MCC: variants seen among roughly 807,000 people sequenced by gnomAD.
MCC encodes MCC regulator of Wnt signaling pathway, also known as colorectal mutant cancer protein.
In MCC, 90 loss-of-function variants were observed where a neutral mutation model predicts 116.2. The observed-to-expected ratio is 0.77, with a 90% confidence interval of 0.65 to 0.92. The LOEUF is 0.92. Ranked by LOEUF, MCC falls within the 40% of genes least tolerant of loss-of-function variation. MCC has a pLI of 0.00. For synonymous variants in MCC, 578 were observed against 510.5 expected (o/e 1.13, Z -1.78); for missense variants, 1,516 against 1,312.2 (o/e 1.16, Z -2.40).
intron 1 of MCC, among the ~76,000 whole-genome samples, chr5:113,426,917 G>C (rs1770500427): frequency 6.6e-6 from 1 of 152,046 alleles, no homozygotes; most frequent in East Asian, 1.9e-4. Flanking sequence ...CTCCTGTTTG[G>C]AGTAACTACC....
intron 1 of MCC, chr5:113,433,835 C>A: frequency 6.2e-7 from 1 of 1,614,018 alleles, no homozygotes; most frequent in East Asian, 2.2e-5. Flanking sequence ...ACTGCCTGGA[C>A]ATTTGCATTG....
intron 3 of MCC, among the ~76,000 whole-genome samples, chr5:113,246,037 G>A (rs901439905): frequency 6.6e-6 from 1 of 152,134 alleles, no homozygotes; most frequent in Non-Finnish European, 1.5e-5. Flanking sequence ...TTTCCCGAGG[G>A]GAAGATGGGG....
chr5:113,031,225 C>G (rs1026537181), intron 17 of MCC, among the ~76,000 whole-genome samples: 4 of 152,138 alleles, frequency 2.6e-5, no homozygotes, highest in Admixed American at 2.6e-4. Flanking sequence ...CAGCCCAGAA[C>G]TCATTTTTCA....
At position 113,064,126 on chromosome 5, in the gene MCC, G is replaced by A. The variant is rs753000893; in HGVS notation, c.2071C>T (p.Arg691Ter). 5.0e-6 allele frequency: 8 copies of A among 1,613,684 alleles called. No homozygotes were observed. In the African/African-American group the frequency reaches 6.7e-5, roughly 13 times the overall value. Residue 691 changes from arginine to a stop codon, truncating the protein, a stop_gained, in exon 14 of 19, where the codon CGA (arginine) becomes TGA (stop). Transcript: ENST00000408903. LOFTEE classifies it high-confidence loss of function. The stretch of plus-strand genomic sequence containing the variant: ...GCTGTCTTCCGGCAGTCATGAGCTC[G>A]CTTGAGCATCTGAGTGATGTTTTCA... ...GDENITQMLK[R>*]AHDCRKTAEN...
Position 113,445,673 on chromosome 5 carries a change from G to A in MCC, c.170+42572C>T, listed in dbSNP as rs140222905. ...TTAAAATGGCCATAAAGCCCAAAGCGATCTACAGATTCAATGCTATTCCTA... is the reference window on the plus strand; with the variant it reads ...TTAAAATGGCCATAAAGCCCAAAGCAATCTACAGATTCAATGCTATTCCTA... On this transcript the variant is annotated intron_variant, in intron 1 of 18. Coordinates refer to ENST00000408903, the MANE Select transcript of MCC (RefSeq NM_001085377.2). Among the ~76,000 whole-genome samples, 410 of 152,128 alleles carry A rather than the reference G, an allele frequency of 2.7e-3. 2 individuals are homozygous for A. Among genetic ancestry groups the A allele is most frequent in the African/African-American group, 9.4e-3 (389 of 41,514 alleles).
intron 1 of MCC, among the ~76,000 whole-genome samples, chr5:113,459,911 G>A (rs1771699520): frequency 6.6e-6 from 1 of 151,296 alleles, no homozygotes; most frequent in Non-Finnish European, 1.5e-5. Context: ...TATTTAGATA[G>A]ATATTTAATA....
chr5:113,477,243 A>G (rs1772256253), intron 1 of MCC, among the ~76,000 whole-genome samples: 1 of 152,216 alleles, frequency 6.6e-6, no homozygotes, highest in Non-Finnish European at 1.5e-5. Context: ...ACAAAACAAG[A>G]CAAAAACCAG....
In MCC at chr5:113,441,655, C is replaced by T. The variant is rs189253085; in HGVS notation, c.170+46590G>A. ...CTCCTAATACTATCCCCTCCTCTAACCCCCTACCCTGGACAGGCCCCAGTG... is the reference window on the plus strand; with the variant it reads ...CTCCTAATACTATCCCCTCCTCTAATCCCCTACCCTGGACAGGCCCCAGTG... On this transcript the variant is annotated intron_variant, in intron 1 of 18. Transcript: ENST00000408903. Among the ~76,000 whole-genome samples the T allele has an allele frequency of 1.2e-4, 18 of 152,288 alleles. No homozygotes were observed. In the East Asian group the frequency reaches 3.1e-3, roughly 26 times the overall value.
intron 9 of MCC, 65 bp downstream of exon 9, chr5:113,085,099 T>G: frequency 4.1e-5 from 66 of 1,606,884 alleles, no homozygotes; most frequent in Non-Finnish European, 5.4e-5. Flanking sequence ...GTGGCTAGGA[T>G]GAGCCTGGTG....
chr5:113,125,819 A>C (rs1206796114), intron 5 of MCC, among the ~76,000 whole-genome samples: 1 of 152,198 alleles, frequency 6.6e-6, no homozygotes, highest in Non-Finnish European at 1.5e-5. Context: ...TCTCAAGATG[A>C]CTTCTGTTTG....
At chr5:113,461,926 G>A (rs1332207116) in intron 1 of MCC, among the ~76,000 whole-genome samples, 1 of 152,062 alleles carries the variant, frequency 6.6e-6, no homozygotes, top group African/African-American at 2.4e-5. Context: ...GTGACAATTT[G>A]CTAAATAGAG....
At chr5:113,145,983 G>GA (rs1321239024) in intron 4 of MCC, among the ~76,000 whole-genome samples, 1 of 151,654 alleles carries the variant, frequency 6.6e-6, no homozygotes, top group Non-Finnish European at 1.5e-5. Context: ...GTAGCTAAAG[G>GA]AAAAAAAGAC....
chr5:113,244,160 T>G (rs1366185612), intron 3 of MCC, among the ~76,000 whole-genome samples: 2 of 152,198 alleles, frequency 1.3e-5, no homozygotes, highest in Non-Finnish European at 2.9e-5. Context: ...TCTAATAAAT[T>G]TGTAAATGGG....
chr5:113,335,659 G>A (rs1303339809), intron 3 of MCC, among the ~76,000 whole-genome samples: 1 of 151,526 alleles, frequency 6.6e-6, no homozygotes, highest in Non-Finnish European at 1.5e-5. Context: ...CTCTTTACCA[G>A]ACTCTTAAAA....
chr5:113,190,229 T>C (rs992838835), intron 3 of MCC, among the ~76,000 whole-genome samples: 5 of 152,198 alleles, frequency 3.3e-5, no homozygotes, highest in Non-Finnish European at 7.3e-5. Context: ...TAGCTGTCTT[T>C]TGCTTGTGTT....
chr5:113,333,995 CTTCTT>C (rs1227042013), intron 3 of MCC, among the ~76,000 whole-genome samples: 1 of 144,154 alleles, frequency 6.9e-6, no homozygotes, highest in Non-Finnish European at 1.5e-5. Context: ...ATGCACATGG[CTTCTT>C]TTATAGTATA....
chr5:113,382,754 C>T (rs896872144), intron 2 of MCC, among the ~76,000 whole-genome samples: 3 of 152,042 alleles, frequency 2.0e-5, no homozygotes, highest in Non-Finnish European at 4.4e-5. Flanking sequence ...TAACAACTGC[C>T]CCCATTCTAC....
intron 1 of MCC, among the ~76,000 whole-genome samples, chr5:113,455,321 C>T (rs1267520555): frequency 3.3e-5 from 5 of 152,208 alleles, no homozygotes; most frequent in Admixed American, 2.6e-4. Flanking sequence ...ATGTCTGTCC[C>T]TTACTAGAGT....
At chr5:113,154,977 T>C (rs1438157289) in intron 3 of MCC, among the ~76,000 whole-genome samples, 1 of 151,658 alleles carries the variant, frequency 6.6e-6, no homozygotes, top group African/African-American at 2.4e-5. Context: ...GTAGGAGTTA[T>C]TTCTTCTAAC....
Sources: gnomAD v4.1 joint callset for allele counts (sites outside exome capture counted in the v4.1 genomes callset) on GRCh38, gnomAD v4.1.1 for gene constraint, MANE v1.5 for transcripts, NCBI Gene and HGNC (gene_info 2026-07-23, HGNC 2026-07-21) for gene names.